The following M1AP variants were observed in gnomAD, a reference collection of about 807,000 sequenced individuals.
The protein encoded by M1AP is meiosis 1 associated protein.
M1AP carries 39 observed loss-of-function variants against 51.2 expected under a neutral mutation model. That is an observed-to-expected ratio of 0.76 (90% confidence interval 0.59 to 1.00). M1AP has a LOEUF of 1.00. Among genes scored for constraint, M1AP ranks in the 50% least tolerant of loss-of-function variants. M1AP has a pLI of 0.00. For missense variants in M1AP, 545 were observed against 641.2 expected, an observed-to-expected ratio of 0.85 and a Z score of 1.62; for synonymous variants, 251 against 249.2, an observed-to-expected ratio of 1.01 and a Z score of -0.07.
At chr2:74,640,462 T>C in intron 1 of M1AP, 135 bp from the exon 2 acceptor site, 1 of 676,488 alleles carries the variant, frequency 1.5e-6, no homozygotes, top group Non-Finnish European at 2.3e-6. Context: ...CAGGCCATCC[T>C]ATTTTTTTTT....
chr2:74,614,507 C>T (rs1681550438), intron 3 of M1AP, among the ~76,000 whole-genome samples: 1 of 152,194 alleles, frequency 6.6e-6, no homozygotes, highest in African/African-American at 2.4e-5. Context: ...AAGATTGGCT[C>T]AGTCTGGCAC....
chr2:74,558,675 G>A lies in M1AP; in HGVS notation c.*41C>T, dbSNP rs911648483. On this transcript the variant is annotated 3_prime_UTR_variant, in exon 11 of 11. Transcript: ENST00000421985. ...TAGCCATTATGTGAACCTGAGCATG[G>A]ATATGGTTAAGCTGGGCAGCTGGGC... 3 of 1,607,328 alleles carry A rather than the reference G, an allele frequency of 1.9e-6. No individual in the cohort carries two copies. The highest frequency in any genetic ancestry group is 2.5e-6 in the Non-Finnish European group (3 of 1,176,910).
At chr2:74,610,824 G>T (rs773368411) in intron 3 of M1AP, among the ~76,000 whole-genome samples, 1 of 152,102 alleles carries the variant, frequency 6.6e-6, no homozygotes, top group Non-Finnish European at 1.5e-5. Context: ...TGTCATATAT[G>T]GTCTTCATTG....
chr2:74,559,020 C>T (rs1677712834), intron 10 of M1AP, 146 bp from the exon 11 acceptor site: 1 of 752,892 alleles, frequency 1.3e-6, no homozygotes, highest in South Asian at 2.3e-5. Context: ...GATCTGGAGT[C>T]CCTTAAGCCC....
intron 7 of M1AP, among the ~76,000 whole-genome samples, chr2:74,567,174 T>G (rs1028478611): frequency 6.6e-6 from 1 of 152,202 alleles, no homozygotes. Context: ...ACAAAACAGC[T>G]ATGCCAGTTT....
chr2:74,571,570 A>G (rs955032248), intron 7 of M1AP, among the ~76,000 whole-genome samples: 3 of 152,370 alleles, frequency 2.0e-5, no homozygotes, highest in South Asian at 4.1e-4. Context: ...GTCTCGTCAC[A>G]CTTAAAAATA....
chr2:74,595,786 T>A (rs1680299432), intron 4 of M1AP, among the ~76,000 whole-genome samples: 1 of 152,242 alleles, frequency 6.6e-6, no homozygotes, highest in Non-Finnish European at 1.5e-5. Flanking sequence ...CTATATATAT[T>A]AATTCTGAGT....
intron 8 of M1AP, among the ~76,000 whole-genome samples, chr2:74,561,127 A>AGGAGGAGGAGG (rs1677928690): frequency 4.5e-5 from 1 of 22,370 alleles, no homozygotes; most frequent in African/African-American, 1.9e-4. Context: ...GGAGGAGGAG[A>AGGAGGAGGAGG]AGGAGGAGGA....
At chr2:74,621,624 A>AAAT (rs959212994) in intron 2 of M1AP, among the ~76,000 whole-genome samples, 2 of 151,248 alleles carry the variant, frequency 1.3e-5, no homozygotes, top group African/African-American at 4.9e-5. Context: ...TCTCTACAAA[A>AAAT]AATAATAATA....
intron 4 of M1AP, among the ~76,000 whole-genome samples, chr2:74,601,718 T>G (rs1470952361): frequency 6.6e-6 from 1 of 152,140 alleles, no homozygotes; most frequent in African/African-American, 2.4e-5. Context: ...TGGTTAAAAT[T>G]TATAGAAAAC....
intron 4 of M1AP, among the ~76,000 whole-genome samples, chr2:74,590,063 G>A (rs1679950912): frequency 6.6e-6 from 1 of 152,214 alleles, no homozygotes; most frequent in South Asian, 2.1e-4. Context: ...GAAGCAGGTT[G>A]GACAAACTTG....
chr2:74,559,341 G>A (rs1677748604), intron 10 of M1AP, among the ~76,000 whole-genome samples: 1 of 151,876 alleles, frequency 6.6e-6, no homozygotes, highest in Non-Finnish European at 1.5e-5. Context: ...TTGTATTTTT[G>A]TAGAGACGAG....
At chr2:74,561,441 C>CAGTT (rs113367838) in intron 8 of M1AP, among the ~76,000 whole-genome samples, 9,287 of 152,050 alleles carry the variant, frequency 0.061, 810 homozygotes, top group African/African-American at 0.2. Flanking sequence ...GCAATGCAGA[C>CAGTT]AGACCCCTAA....
chr2:74,562,958 C>G (rs1296243637), intron 7 of M1AP, among the ~76,000 whole-genome samples: 1 of 152,064 alleles, frequency 6.6e-6, no homozygotes, highest in Non-Finnish European at 1.5e-5. Flanking sequence ...GAAACCAAGA[C>G]TTGTATGGGG....
In M1AP at chr2:74,615,071, A is replaced by G; in HGVS notation, c.319T>C (p.Ser107Pro). 1 of 1,614,162 alleles carries G rather than the reference A, an allele frequency of 6.2e-7. No homozygotes were observed. Among genetic ancestry groups the G allele is most frequent in the Non-Finnish European group, 8.5e-7 (1 of 1,180,002 alleles). ...GCCAGCCGCAGAGAAGCACCTTGTGATCTGAAACACCCTTCTCTCTGTAAC... is the reference window on the plus strand; with the variant it reads ...GCCAGCCGCAGAGAAGCACCTTGTGGTCTGAAACACCCTTCTCTCTGTAAC... ...RMLQREGCFR[S>P]QGASLRLAVE... The change falls in exon 3 of 11, where the codon TCA (serine) becomes CCA (proline). Residue 107 changes from serine to proline, a missense_variant. By Grantham distance (74) the Ser-to-Pro change is moderately conservative (BLOSUM62 -1). Coordinates refer to ENST00000421985, the MANE Select transcript of M1AP (RefSeq NM_001321739.2).
intron 2 of M1AP, among the ~76,000 whole-genome samples, chr2:74,636,465 A>C (rs1386858660): frequency 6.6e-6 from 1 of 151,940 alleles, no homozygotes; most frequent in African/African-American, 2.4e-5. Flanking sequence ...ATAACTATTG[A>C]TATGTTAGCC....
chr2:74,561,486 C>G (rs1678010880), intron 8 of M1AP, among the ~76,000 whole-genome samples: 1 of 152,210 alleles, frequency 6.6e-6, no homozygotes, highest in African/African-American at 2.4e-5. Flanking sequence ...ACAGGCGCAT[C>G]TACACCCACT....
At chr2:74,619,022 C>T in intron 2 of M1AP, 1 of 514,956 alleles carries the variant, frequency 1.9e-6, no homozygotes, top group South Asian at 1.4e-5. Context: ...CACGTCTGTA[C>T]TTCATCGGCA....
intron 1 of M1AP, among the ~76,000 whole-genome samples, chr2:74,641,230 A>G (rs1035251069): frequency 6.6e-6 from 1 of 152,220 alleles, no homozygotes; most frequent in Non-Finnish European, 1.5e-5. Flanking sequence ...AAACAATACC[A>G]AATATATTCA....
Sources: gnomAD v4.1 joint callset for allele counts (sites outside exome capture counted in the v4.1 genomes callset) on GRCh38, gnomAD v4.1.1 for gene constraint, MANE v1.5 for transcripts, NCBI Gene and HGNC (gene_info 2026-07-23, HGNC 2026-07-21) for gene names.